Variants in LRRC51 observed in about 807,000 individuals in gnomAD.
LRRC51 encodes the protein leucine-rich repeat-containing protein 51.
Under a neutral mutation model 17.8 loss-of-function variants are expected in LRRC51, and 8 were observed. The ratio of observed to expected loss-of-function variants is 0.45; its 90% CI spans 0.26 to 0.81. The LOEUF is 0.81. LRRC51 is among the 30% of genes least tolerant of loss of function. The pLI is 0.17. For synonymous variants in LRRC51, 92 were observed against 96.0 expected (o/e 0.96, Z 0.24); for missense variants, 233 against 239.3 (o/e 0.97, Z 0.17).
At position 72,096,799 on chromosome 11, in the gene LRRC51, C is replaced by A; in HGVS notation, c.*1279C>A. 1 of 1,377,328 alleles carries A rather than the reference C, an allele frequency of 7.3e-7. No homozygotes were observed. The allele number at this position is 1,377,328 out of a possible 1,614,324, so 85.3% of individuals were successfully genotyped here. A position where few individuals can be genotyped will look rare whatever the true frequency, so the allele number is the denominator to read the frequency against. ...GATGGCCTATGATCTCTGAAACCAG[C>A]CCCCACTTCAATCAGATCAAAGTAA... On this transcript the variant is annotated 3_prime_UTR_variant, in exon 6 of 6. Coordinates refer to ENST00000289488, the MANE Select transcript of LRRC51 (RefSeq NM_145309.6).
intron 4 of LRRC51, among the ~76,000 whole-genome samples, chr11:72,094,261 G>A (rs1041447575): frequency 2.6e-5 from 4 of 151,292 alleles, no homozygotes; most frequent in African/African-American, 7.3e-5. Context: ...ACTCCAGCCT[G>A]GCAACAGAGT....
At chr11:72,093,832 G>A in intron 4 of LRRC51, 131 bp downstream of exon 4, 1 of 903,376 alleles carries the variant, frequency 1.1e-6, no homozygotes, top group Non-Finnish European at 1.8e-6. Context: ...CACAAGGCTA[G>A]GGGGCCAGAC....
At position 72,094,693 on chromosome 11, in the gene LRRC51, G is replaced by A. The variant is rs977890156; in HGVS notation, c.289-255G>A. 3 of 733,828 alleles carry A rather than the reference G, an allele frequency of 4.1e-6. 1 individual carries two copies. The highest frequency in any genetic ancestry group is 4.7e-4 in the Middle Eastern group (2 of 4,244). The allele number at this position is 733,828 out of a possible 1,614,324, so 45.5% of individuals were successfully genotyped here. On this transcript the variant is annotated intron_variant, in intron 4 of 5. Transcript: ENST00000289488. ...TGAAGGGGCAACTAAGGCTGAGAGA[G>A]GCAAGTCAGTGGCAGTGCTGGTACC...
At chr11:72,094,588 A>G in intron 4 of LRRC51, 2 of 634,082 alleles carry the variant, frequency 3.2e-6, no homozygotes, top group South Asian at 1.8e-5. Flanking sequence ...AAAGCTTCTT[A>G]TGTGCCTAGC....
Position 72,096,891 on chromosome 11 carries a change from A to C in LRRC51, c.*1371A>C. 2 of 1,267,770 alleles carry C rather than the reference A, an allele frequency of 1.6e-6. No individual in the cohort carries two copies. The highest frequency in any genetic ancestry group is 3.1e-5 in the East Asian group (1 of 31,826). 78.5% of individuals were successfully genotyped at this position (1,267,770 alleles called of 1,614,324 possible). A position where few individuals can be genotyped will look rare whatever the true frequency, so the allele number is the denominator to read the frequency against. On this transcript the variant is annotated 3_prime_UTR_variant, in exon 6 of 6. Transcript: ENST00000289488. The stretch of plus-strand genomic sequence containing the variant: ...ATTTGATAAAAAGAATCTTCTGCTT[A>C]AAAACATTTGCTTGCTGACTCCATA...
intron 3 of LRRC51, chr11:72,089,695 A>G: frequency 1.2e-6 from 1 of 824,350 alleles, no homozygotes; most frequent in Non-Finnish European, 1.6e-6. Flanking sequence ...TCCAGTTTAA[A>G]TACTTACTGA....
chr11:72,089,243 C>T, intron 3 of LRRC51, 78 bp downstream of exon 3: 1 of 1,602,434 alleles, frequency 6.2e-7, no homozygotes, highest in Non-Finnish European at 8.5e-7. Context: ...CCATAATCTA[C>T]TTAAAAGCCT....
chr11:72,081,873 T>G (rs1005195694), intron 1 of LRRC51, among the ~76,000 whole-genome samples: 1 of 152,186 alleles, frequency 6.6e-6, no homozygotes, highest in Admixed American at 6.5e-5. Flanking sequence ...CTTTTGATAC[T>G]CTTAACAGCT....
chr11:72,088,514 T>C lies in LRRC51; in HGVS notation c.-56+134T>C, dbSNP rs565892488. 8.1e-5 allele frequency: 54 copies of C among 664,956 alleles called. 1 individual carries two copies. The South Asian group carries it at 8.6e-4, about 11-fold the overall frequency. 41.2% of individuals were successfully genotyped at this position (664,956 alleles called of 1,614,324 possible). A position where few individuals can be genotyped will look rare whatever the true frequency, so the allele number is the denominator to read the frequency against. On this transcript the variant is annotated intron_variant, in intron 2 of 5. Transcript: ENST00000289488. ...TGGCAGAGAAGCCAAGCGGAGAAGG[T>C]GGCAAATCCCCAGCTGGGCCAGACT...
chr11:72,085,000 CACTTTA>C (rs1339573100), intron 1 of LRRC51, among the ~76,000 whole-genome samples: 1 of 151,920 alleles, frequency 6.6e-6, no homozygotes, highest in South Asian at 2.1e-4. Context: ...CTTGTCATTT[CACTTTA>C]TTCATCTATC....
chr11:72,087,287 CTTTTTTTTTTTT>C (rs58257513), intron 1 of LRRC51, among the ~76,000 whole-genome samples: 7 of 107,324 alleles, frequency 6.5e-5, no homozygotes, highest in South Asian at 2.9e-4. Context: ...AACAGAAATT[CTTTTTTTTTTTT>C]TTTTTTTTTT....
rs1591167860 is a variant in LRRC51, at chr11:72,095,578, T to C, written c.*58T>C. Reference sequence around the variant, plus strand: ...AAGCATAGACAGCATGGTTTGACAATAAATAATTTGAGCTGTTGAGCAGAT... The same window carrying C: ...AAGCATAGACAGCATGGTTTGACAACAAATAATTTGAGCTGTTGAGCAGAT... On this transcript the variant is annotated 3_prime_UTR_variant, in exon 6 of 6. Coordinates refer to ENST00000289488, the MANE Select transcript of LRRC51 (RefSeq NM_145309.6). The C allele has an allele frequency of 5.7e-6, 9 of 1,586,746 alleles. No individual in the cohort carries two copies. The East Asian group carries it at 2.1e-4, about 36-fold the overall frequency.
rs1591137853 is a variant in LRRC51, at chr11:72,086,726, G to A, written c.-139-1571G>A. Among the ~76,000 whole-genome samples, 3 of 142,278 alleles carry A rather than the reference G, an allele frequency of 2.1e-5. No individual in the cohort carries two copies. The Admixed American group carries it at 2.2e-4, about 10-fold the overall frequency. 93.3% of individuals were successfully genotyped at this position (142,278 alleles called of 152,430 possible). Reference sequence around the variant, plus strand: ...GAGCTGGTGCTACACAAAATCAGAAGTCTTTAGGAACTGCACTGGGTTGCT... The same window carrying A: ...GAGCTGGTGCTACACAAAATCAGAAATCTTTAGGAACTGCACTGGGTTGCT... On this transcript the variant is annotated intron_variant, in intron 1 of 5. Transcript: ENST00000289488.
intron 2 of LRRC51, chr11:72,088,707 A>C: frequency 7.7e-6 from 4 of 518,018 alleles, no homozygotes; most frequent in Non-Finnish European, 1.0e-5. Flanking sequence ...GGAGATTATG[A>C]CTGCAGTCTA....
intron 3 of LRRC51, among the ~76,000 whole-genome samples, chr11:72,092,006 C>A (rs904301687): frequency 6.6e-6 from 1 of 152,208 alleles, no homozygotes. Context: ...TCAGTCCTTA[C>A]CTCCCTGGAA....
At chr11:72,086,681 C>T (rs598835) in intron 1 of LRRC51, among the ~76,000 whole-genome samples, 134,892 of 152,230 alleles carry the variant, frequency 0.89, 60,049 homozygotes, top group Non-Finnish European at 0.95. Flanking sequence ...TAATACTAAT[C>T]CATTCAGAAA....
chr11:72,091,367 C>T (rs1459643590), intron 3 of LRRC51, among the ~76,000 whole-genome samples: 1 of 152,120 alleles, frequency 6.6e-6, no homozygotes, highest in Admixed American at 6.5e-5. Flanking sequence ...CGTTCCAGTA[C>T]CCTCCTGCAA....
intron 3 of LRRC51, chr11:72,089,397 T>A: frequency 6.9e-7 from 1 of 1,458,204 alleles, no homozygotes. Flanking sequence ...CATGTGCCCC[T>A]GTTTGTTTTT....
chr11:72,089,692 T>C, intron 3 of LRRC51: 1 of 862,462 alleles, frequency 1.2e-6, no homozygotes, highest in South Asian at 2.2e-5. Context: ...ATTTCCAGTT[T>C]AAATACTTAC....
Sources: gnomAD v4.1 joint callset for allele counts (sites outside exome capture counted in the v4.1 genomes callset) on GRCh38, gnomAD v4.1.1 for gene constraint, MANE v1.5 for transcripts, NCBI Gene and HGNC (gene_info 2026-07-23, HGNC 2026-07-21) for gene names.